Variants in RGS3 observed in about 807,000 individuals in gnomAD.
The protein encoded by RGS3 is regulator of G-protein signalling 3.
In RGS3, 80 loss-of-function variants were observed where a neutral mutation model predicts 132.6. The observed-to-expected ratio is 0.60, with a 90% confidence interval of 0.50 to 0.73. The LOEUF is 0.73. RGS3 is among the 30% of genes least tolerant of loss of function. RGS3 has a pLI of 0.00. For missense variants in RGS3, 1,382 were observed against 1,530.8 expected (o/e 0.90, Z 1.62); for synonymous variants, 598 against 620.6 (o/e 0.96, Z 0.54).
chr9:113,545,149 T>C (rs974828420), intron 19 of RGS3, among the ~76,000 whole-genome samples: 4 of 152,162 alleles, frequency 2.6e-5, no homozygotes, highest in Non-Finnish European at 5.9e-5. Flanking sequence ...CCCTTTTGAA[T>C]TTGGCATCAA....
chr9:113,548,095 A>T (rs1022827392), intron 19 of RGS3, among the ~76,000 whole-genome samples: 1 of 152,236 alleles, frequency 6.6e-6, no homozygotes, highest in African/African-American at 2.4e-5. Flanking sequence ...AACCATAGAA[A>T]CTTTGAATGT....
intron 10 of RGS3, among the ~76,000 whole-genome samples, chr9:113,499,742 C>A (rs1356407160): frequency 6.6e-6 from 1 of 152,220 alleles, no homozygotes; most frequent in Admixed American, 6.5e-5. Flanking sequence ...CCACCTGCTA[C>A]CTGTGGCTAT....
At chr9:113,597,173 A>AG in exon 25 of RGS3, 1 of 488,600 alleles carries the variant, frequency 2.0e-6, no homozygotes, top group Non-Finnish European at 3.6e-6. Context: ...CCCCGGTACG[A>AG]GGGGGCCCAA....
chr9:113,480,719 G>T (rs1830134000), intron 4 of RGS3, among the ~76,000 whole-genome samples: 1 of 152,230 alleles, frequency 6.6e-6, no homozygotes, highest in Admixed American at 6.5e-5. Context: ...AAAGGCCTGG[G>T]GGTCAGAGAG....
chr9:113,531,515 C>T (rs1294126380), intron 18 of RGS3, among the ~76,000 whole-genome samples: 1 of 152,244 alleles, frequency 6.6e-6, no homozygotes, highest in South Asian at 2.1e-4. Context: ...ACACAGTGAG[C>T]GCTCAATAAA....
At chr9:113,470,412 A>G (rs2119184441) in intron 3 of RGS3, among the ~76,000 whole-genome samples, 1 of 152,260 alleles carries the variant, frequency 6.6e-6, no homozygotes, top group African/African-American at 2.4e-5. Context: ...TTTTTCCTTT[A>G]CATATGTTGA....
intron 19 of RGS3, among the ~76,000 whole-genome samples, chr9:113,571,970 C>G (rs1188359615): frequency 6.6e-6 from 1 of 152,112 alleles, no homozygotes; most frequent in African/African-American, 2.4e-5. Flanking sequence ...GCAATGTCAC[C>G]TTTGTCAGAA....
At chr9:113,478,054 A>G (rs1372143868) in intron 3 of RGS3, among the ~76,000 whole-genome samples, 1 of 152,202 alleles carries the variant, frequency 6.6e-6, no homozygotes, top group African/African-American at 2.4e-5. Context: ...GCCATTGGGT[A>G]TCTGTGAGGA....
upstream of RGS3, chr9:113,460,160 C>T: frequency 8.9e-7 from 1 of 1,117,890 alleles, no homozygotes; most frequent in East Asian, 9.2e-5. Context: ...AGAGACAAGG[C>T]TTTGGTCTTA....
At chr9:113,514,399 G>A in intron 14 of RGS3, 59 bp from the exon 13 acceptor site, 1 of 1,480,978 alleles carries the variant, frequency 6.8e-7, no homozygotes, top group Non-Finnish European at 9.3e-7. Flanking sequence ...TTTCTACAGA[G>A]GGGACACCTT....
chr9:113,525,598 C>T (rs957933118), intron 17 of RGS3, among the ~76,000 whole-genome samples: 1 of 152,186 alleles, frequency 6.6e-6, no homozygotes, highest in Admixed American at 6.5e-5. Flanking sequence ...TTTCAAACCA[C>T]CATGTATGCA....
intron 19 of RGS3, among the ~76,000 whole-genome samples, chr9:113,567,586 C>T (rs1834069821): frequency 6.6e-6 from 1 of 152,148 alleles, no homozygotes; most frequent in East Asian, 1.9e-4. Flanking sequence ...AAAGTTGCAT[C>T]CATAGGGCCA....
At chr9:113,590,602 A>G (rs960612205) in intron 20 of RGS3, among the ~76,000 whole-genome samples, 1 of 151,268 alleles carries the variant, frequency 6.6e-6, no homozygotes, top group Admixed American at 6.6e-5. Context: ...CCATCCATCC[A>G]TGCAGGTGGG....
chr9:113,473,292 A>G (rs1173414979), intron 3 of RGS3, among the ~76,000 whole-genome samples: 1 of 152,266 alleles, frequency 6.6e-6, no homozygotes, highest in Non-Finnish European at 1.5e-5. Flanking sequence ...CATGATAGGT[A>G]TAGAGAGGCT....
intron 19 of RGS3, among the ~76,000 whole-genome samples, chr9:113,564,680 C>CT (rs1833918555): frequency 1.3e-5 from 2 of 152,174 alleles, no homozygotes; most frequent in Admixed American, 1.3e-4. Flanking sequence ...ATGTTACAGT[C>CT]CAAACTGCCC....
At chr9:113,479,419 CTT>C in intron 3 of RGS3, 70 bp from the exon 2 acceptor site, 1 of 1,426,134 alleles carries the variant, frequency 7.0e-7, no homozygotes, top group Non-Finnish European at 9.9e-7. Flanking sequence ...TTTCTGTCAC[CTT>C]TCCTCTAGTT....
chr9:113,580,003 C>T (rs1199932062), intron 19 of RGS3, among the ~76,000 whole-genome samples: 1 of 152,236 alleles, frequency 6.6e-6, no homozygotes, highest in Admixed American at 6.5e-5. Context: ...TTGCCACCCT[C>T]CCACCCCTGG....
At chr9:113,469,967 G>C (rs1383322828) in intron 3 of RGS3, among the ~76,000 whole-genome samples, 2 of 150,690 alleles carry the variant, frequency 1.3e-5, no homozygotes, top group South Asian at 4.2e-4. Flanking sequence ...CTGGAGTGCA[G>C]TGGCGCAATG....
intron 19 of RGS3, among the ~76,000 whole-genome samples, chr9:113,553,458 AAATATATATAT>A (rs1411530770): frequency 1.2e-4 from 11 of 95,462 alleles, no homozygotes; most frequent in African/African-American, 4.1e-4. Flanking sequence ...AAAAAAAAAA[AAATATATATAT>A]ATATATATAT....
Sources: gnomAD v4.1 joint callset for allele counts (sites outside exome capture counted in the v4.1 genomes callset) on GRCh38, gnomAD v4.1.1 for gene constraint, MANE v1.5 for transcripts, NCBI Gene and HGNC (gene_info 2026-07-23, HGNC 2026-07-21) for gene names.